The following KCNH5 variants were observed in gnomAD, a reference collection of about 807,000 sequenced individuals.
KCNH5 encodes potassium voltage-gated channel subfamily H member 5.
Under a neutral mutation model 96.1 loss-of-function variants are expected in KCNH5, and 46 were observed. The ratio of observed to expected loss-of-function variants is 0.48; its 90% CI spans 0.38 to 0.61. KCNH5 has a LOEUF of 0.61. KCNH5 is among the 20% of genes least tolerant of loss of function. KCNH5 has a pLI of 0.00. For missense variants in KCNH5, 907 were observed against 1,225.8 expected (o/e 0.74, Z 3.88); for synonymous variants, 439 against 449.8 (o/e 0.98, Z 0.30).
intron 1 of KCNH5, among the ~76,000 whole-genome samples, chr14:63,039,009 C>T (rs577192313): frequency 2.7e-5 from 4 of 146,716 alleles, no homozygotes; most frequent in Non-Finnish European, 6.0e-5. Flanking sequence ...ACCTCAATTT[C>T]CACAACAATA....
chr14:62,971,447 A>T (rs1890405957), intron 6 of KCNH5, among the ~76,000 whole-genome samples: 2 of 152,152 alleles, frequency 1.3e-5, no homozygotes. Flanking sequence ...AATGAACTAG[A>T]GACAACAAAA....
intron 7 of KCNH5, among the ~76,000 whole-genome samples, chr14:62,913,957 C>A (rs552256611): frequency 5.3e-5 from 8 of 152,224 alleles, no homozygotes; most frequent in Admixed American, 4.6e-4. Flanking sequence ...AAAATTAATT[C>A]TCACTTCAGC....
intron 7 of KCNH5, among the ~76,000 whole-genome samples, chr14:62,947,736 C>CACACACAA (rs888253110): frequency 6.6e-5 from 10 of 151,960 alleles, no homozygotes; most frequent in African/African-American, 1.9e-4. Context: ...CACACACACA[C>CACACACAA]AAAAACCGAT....
chr14:62,819,051 C>G (rs1483135476), intron 8 of KCNH5, among the ~76,000 whole-genome samples: 2 of 152,192 alleles, frequency 1.3e-5, no homozygotes, highest in African/African-American at 4.8e-5. Context: ...ACTGAAAGCT[C>G]CGCCTTCCGG....
chr14:63,039,898 G>A (rs1050946212), intron 1 of KCNH5, among the ~76,000 whole-genome samples: 1 of 152,010 alleles, frequency 6.6e-6, no homozygotes, highest in African/African-American at 2.4e-5. Flanking sequence ...AGCAAGGTGG[G>A]GGAAGGGGGA....
chr14:62,995,474 T>C (rs989006354), intron 4 of KCNH5, among the ~76,000 whole-genome samples: 1 of 152,166 alleles, frequency 6.6e-6, no homozygotes, highest in African/African-American at 2.4e-5. Context: ...TCTTATTCAC[T>C]TGACCAAATT....
At chr14:62,851,838 A>G (rs529646843) in intron 7 of KCNH5, among the ~76,000 whole-genome samples, 3 of 152,230 alleles carry the variant, frequency 2.0e-5, no homozygotes, top group Non-Finnish European at 4.4e-5. Flanking sequence ...TACATTTGCC[A>G]AATGTCTTAT....
chr14:62,881,184 C>G (rs1287787721), intron 7 of KCNH5, among the ~76,000 whole-genome samples: 3 of 152,172 alleles, frequency 2.0e-5, no homozygotes, highest in Non-Finnish European at 4.4e-5. Context: ...CAATGATACC[C>G]TGACACAGTG....
chr14:62,903,749 T>C (rs1000118495), intron 7 of KCNH5, among the ~76,000 whole-genome samples: 1 of 152,078 alleles, frequency 6.6e-6, no homozygotes, highest in Non-Finnish European at 1.5e-5. Flanking sequence ...CAAGGAGATA[T>C]CTAAAGAGAA....
Position 62,799,726 on chromosome 14 carries a change from TAC to T in KCNH5, c.1822+2601_1822+2602del, listed in dbSNP as rs67691300. The stretch of plus-strand genomic sequence containing the variant: ...ATATATATATATATATATATATATA[TAC>T]ACACACACACACACACATATCAGGG... On this transcript the variant is annotated intron_variant, in intron 9 of 10. Transcript: ENST00000322893. Among the ~76,000 whole-genome samples the T allele has an allele frequency of 4.2e-3, 290 of 68,624 alleles. 3 individuals carry two copies. The highest frequency in any genetic ancestry group is 0.01 in the Middle Eastern group (1 of 100). 45.0% of individuals were successfully genotyped at this position (68,624 alleles called of 152,430 possible).
intron 10 of KCNH5, among the ~76,000 whole-genome samples, chr14:62,777,859 TTGTGTGTGTG>T (rs56291938): frequency 1.4e-5 from 2 of 147,118 alleles, no homozygotes; most frequent in African/African-American, 5.0e-5. Context: ...GTATGTGTAT[TTGTGTGTGTG>T]TGTGTGTGTG....
intron 8 of KCNH5, among the ~76,000 whole-genome samples, chr14:62,814,756 C>A (rs974092577): frequency 8.6e-6 from 1 of 116,168 alleles, no homozygotes; most frequent in African/African-American, 3.4e-5. Flanking sequence ...GCACTCCAGC[C>A]TGGGCGACAA....
chr14:62,851,920 T>C (rs182693042), intron 7 of KCNH5, among the ~76,000 whole-genome samples: 1 of 152,286 alleles, frequency 6.6e-6, no homozygotes, highest in Admixed American at 6.5e-5. Flanking sequence ...ACACAAAATA[T>C]ATTCTGCTCA....
intron 7 of KCNH5, among the ~76,000 whole-genome samples, chr14:62,921,148 C>T (rs889055572): frequency 2.0e-5 from 3 of 151,872 alleles, no homozygotes; most frequent in Non-Finnish European, 4.4e-5. Flanking sequence ...GGGAAGCTGA[C>T]ATAAGTTCAG....
At chr14:62,720,428 A>C (rs143417502) in intron 10 of KCNH5, among the ~76,000 whole-genome samples, 1,633 of 152,258 alleles carry the variant, frequency 0.011, 23 homozygotes, top group African/African-American at 0.036. Context: ...ACAACAACAA[A>C]AAAATTAGCC....
At chr14:62,838,248 A>T (rs1232897713) in intron 8 of KCNH5, among the ~76,000 whole-genome samples, 3 of 152,176 alleles carry the variant, frequency 2.0e-5, no homozygotes, top group Non-Finnish European at 4.4e-5. Context: ...AAGACATGTT[A>T]ACTAGAACAG....
chr14:62,886,988 C>G (rs1364464687), intron 7 of KCNH5, among the ~76,000 whole-genome samples: 1 of 152,112 alleles, frequency 6.6e-6, no homozygotes, highest in Non-Finnish European at 1.5e-5. Context: ...AAATGCCAAA[C>G]AAAATGCCAT....
intron 2 of KCNH5, among the ~76,000 whole-genome samples, chr14:63,012,818 T>C (rs1403287543): frequency 6.6e-6 from 1 of 151,412 alleles, no homozygotes; most frequent in African/African-American, 2.4e-5. Flanking sequence ...TATTACAGTG[T>C]GGTAGGAATT....
chr14:62,831,945 T>G (rs756184510), intron 8 of KCNH5, among the ~76,000 whole-genome samples: 5 of 152,112 alleles, frequency 3.3e-5, no homozygotes, highest in Non-Finnish European at 5.9e-5. Context: ...ACTCCTTGGC[T>G]CAAACAATCC....
Sources: gnomAD v4.1 joint callset for allele counts (sites outside exome capture counted in the v4.1 genomes callset) on GRCh38, gnomAD v4.1.1 for gene constraint, MANE v1.5 for transcripts, NCBI Gene and HGNC (gene_info 2026-07-23, HGNC 2026-07-21) for gene names.